SMYD3: variants seen among roughly 807,000 people sequenced by gnomAD.
SMYD3 encodes the protein SET and MYND domain containing 3, also known as histone-lysine N-methyltransferase SMYD3.
Under a neutral mutation model 57.7 loss-of-function variants are expected in SMYD3, and 36 were observed. The observed-to-expected ratio is 0.62, with a 90% CI of 0.48 to 0.82. The LOEUF (loss-of-function observed/expected upper bound fraction) is 0.82. Among genes scored for constraint, SMYD3 ranks in the 40% least tolerant of loss-of-function variants. The pLI, the probability that SMYD3 is intolerant of heterozygous loss-of-function variation, is 0.00. For synonymous variants in SMYD3, 211 were observed against 195.0 expected (o/e 1.08, Z -0.68); for missense variants, 515 against 538.8 (o/e 0.96, Z 0.44).
At chr1:246,505,429 G>GAGCAGCAGCAGCAGCAGC (rs111391483) in intron 1 of SMYD3, among the ~76,000 whole-genome samples, 3 of 151,716 alleles carry the variant, frequency 2.0e-5, no homozygotes, top group African/African-American at 7.3e-5. Flanking sequence ...GTTTCCCAAG[G>GAGCAGCAGCAGCAGCAGC]AGCAGCAGCA....
chr1:246,254,625 T>G (rs10924634), intron 5 of SMYD3, among the ~76,000 whole-genome samples: 31,517 of 152,094 alleles, frequency 0.21, 3,952 homozygotes, highest in East Asian at 0.58. Flanking sequence ...TTGGACTCTT[T>G]TTTGGTTCTA....
chr1:246,102,841 T>C (rs1053565109), intron 5 of SMYD3, among the ~76,000 whole-genome samples: 1 of 152,110 alleles, frequency 6.6e-6, no homozygotes, highest in African/African-American at 2.4e-5. Flanking sequence ...GCTATGATCA[T>C]ACAAGTGCAC....
At chr1:246,444,337 A>G (rs970328836) in intron 1 of SMYD3, among the ~76,000 whole-genome samples, 16 of 151,936 alleles carry the variant, frequency 1.1e-4, no homozygotes, top group South Asian at 2.1e-4. Context: ...TGTTGGCCAG[A>G]CTGGTCTCAA....
At chr1:246,244,293 T>C (rs1367117300) in intron 5 of SMYD3, among the ~76,000 whole-genome samples, 6 of 152,084 alleles carry the variant, frequency 3.9e-5, no homozygotes, top group Admixed American at 1.3e-4. Context: ...ATTTTATAGG[T>C]ATCTTGGGGC....
At chr1:246,256,236 C>T (rs1475301127) in intron 5 of SMYD3, among the ~76,000 whole-genome samples, 7 of 152,008 alleles carry the variant, frequency 4.6e-5, no homozygotes, top group Non-Finnish European at 1.0e-4. Flanking sequence ...TGATTTTCTG[C>T]CTGTTTTATA....
intron 10 of SMYD3, among the ~76,000 whole-genome samples, chr1:245,840,414 G>A (rs1572485359): frequency 6.6e-6 from 1 of 152,096 alleles, no homozygotes; most frequent in East Asian, 1.9e-4. Flanking sequence ...ATTTTGAATG[G>A]AGAATTTTAT....
intron 5 of SMYD3, among the ~76,000 whole-genome samples, chr1:246,148,846 T>G (rs2061898121): frequency 6.6e-6 from 1 of 152,198 alleles, no homozygotes; most frequent in African/African-American, 2.4e-5. Context: ...ATGCATCTGT[T>G]GCAACTGTGC....
In SMYD3 at chr1:245,829,176, CTT is replaced by C. The variant is rs1376586524; in HGVS notation, c.1076+29318_1076+29319del. Among the ~76,000 whole-genome samples the C allele has an allele frequency of 2.0e-5, 3 of 146,764 alleles. No homozygotes were observed. The East Asian group carries it at 6.3e-4, about 31-fold the overall frequency. On this transcript the variant is annotated intron_variant, in intron 10 of 11. Transcript: ENST00000490107. Reference sequence around the variant, plus strand: ...AATGTGAGATAGTATGAAAAGTTCACTTATATGGTTTCAGAACACCTTATAAC... The same window carrying C: ...AATGTGAGATAGTATGAAAAGTTCACATATGGTTTCAGAACACCTTATAAC...
At chr1:245,885,141 G>A (rs2053018455) in intron 8 of SMYD3, among the ~76,000 whole-genome samples, 1 of 152,202 alleles carries the variant, frequency 6.6e-6, no homozygotes, top group Non-Finnish European at 1.5e-5. Flanking sequence ...GTGAAGGTCT[G>A]CGGCTTCACT....
rs77369446 is a variant in SMYD3 at position 246,041,991 on chromosome 1, T to C, written c.532-112054A>G. ...AATTGGTTTTATTGCTTTCATTTCA[T>C]AGTTGAGAAAATGATGGATTCAAAA... On this transcript the variant is annotated intron_variant, in intron 5 of 11. Transcript: ENST00000490107. Among the ~76,000 whole-genome samples, 297 of 152,316 alleles carry C rather than the reference T, an allele frequency of 1.9e-3. 3 individuals carry two copies. Among genetic ancestry groups the C allele is most frequent in the African/African-American group, 6.2e-3 (259 of 41,580 alleles).
At chr1:246,284,517 C>G (rs1020352431) in intron 5 of SMYD3, among the ~76,000 whole-genome samples, 31 of 151,442 alleles carry the variant, frequency 2.0e-4, no homozygotes, top group African/African-American at 7.0e-4. Context: ...CCTGGGTTCA[C>G]GCCATTCTCC....
chr1:246,392,603 AC>A (rs1332075770), intron 1 of SMYD3, among the ~76,000 whole-genome samples: 1 of 151,938 alleles, frequency 6.6e-6, no homozygotes, highest in Non-Finnish European at 1.5e-5. Context: ...ACACACCACC[AC>A]ATCCAGCTAA....
At chr1:245,989,143 T>C (rs948611779) in intron 5 of SMYD3, among the ~76,000 whole-genome samples, 14 of 152,238 alleles carry the variant, frequency 9.2e-5, no homozygotes, top group African/African-American at 3.4e-4. Flanking sequence ...TTTATCCAAT[T>C]AATACCTGTC....
intron 5 of SMYD3, among the ~76,000 whole-genome samples, chr1:246,189,445 A>G (rs2148319340): frequency 6.6e-6 from 1 of 152,370 alleles, no homozygotes; most frequent in Middle Eastern, 3.4e-3. Context: ...TGTTTTTGCT[A>G]TACAGCTAAC....
At chr1:246,173,615 C>G (rs1223378522) in intron 5 of SMYD3, among the ~76,000 whole-genome samples, 1 of 152,104 alleles carries the variant, frequency 6.6e-6, no homozygotes, top group African/African-American at 2.4e-5. Context: ...AACGACGACA[C>G]AAACACACAC....
chr1:245,952,568 GTACTGGT>G (rs2057693772), intron 5 of SMYD3, among the ~76,000 whole-genome samples: 1 of 152,188 alleles, frequency 6.6e-6, no homozygotes, highest in Non-Finnish European at 1.5e-5. Context: ...AAGGCTGAGA[GTACTGGT>G]TGATGGGCAT....
chr1:246,434,506 T>A (rs1425445845), intron 1 of SMYD3, among the ~76,000 whole-genome samples: 1 of 152,166 alleles, frequency 6.6e-6, no homozygotes, highest in African/African-American at 2.4e-5. Flanking sequence ...TAGACACTTC[T>A]CAAATGAAGA....
At chr1:246,437,950 A>G (rs2103016147) in intron 1 of SMYD3, among the ~76,000 whole-genome samples, 1 of 152,378 alleles carries the variant, frequency 6.6e-6, no homozygotes, top group African/African-American at 2.4e-5. Flanking sequence ...GAATGCTGGG[A>G]GAATACCAAT....
chr1:246,340,472 T>C (rs2065616336), intron 2 of SMYD3, among the ~76,000 whole-genome samples: 1 of 152,008 alleles, frequency 6.6e-6, no homozygotes, highest in African/African-American at 2.4e-5. Context: ...AATAGACAAC[T>C]AATACAAACC....
Sources: allele counts gnomAD v4.1 joint callset (sites outside exome capture counted in the v4.1 genomes callset), GRCh38; gene constraint gnomAD v4.1.1; transcripts MANE v1.5; gene names NCBI Gene and HGNC (gene_info 2026-07-23, HGNC 2026-07-21).